The following ZNF860 variants were observed in gnomAD, a reference collection of about 807,000 sequenced individuals.
ZNF860 encodes zinc finger protein 860.
For synonymous variants in ZNF860, 206 were observed against 248.9 expected (o/e 0.83, Z 1.62); for missense variants, 641 against 759.2 (o/e 0.84, Z 1.83).
chr3:32,001,375 A>T, the ZNF860 span, among the ~76,000 whole-genome samples: 1 of 152,206 alleles, frequency 6.6e-6, no homozygotes, highest in Admixed American at 6.5e-5. Flanking sequence ...TCAATAAAAT[A>T]ATAATCATAG....
Position 31,989,077 on chromosome 3 carries a change from CT to C in ZNF860, c.-2del. 2 of 1,614,062 alleles carry C rather than the reference CT, an allele frequency of 1.2e-6. No individual in the cohort carries two copies. The highest frequency in any genetic ancestry group is 1.7e-6 in the Non-Finnish European group (2 of 1,179,980). On this transcript the variant is annotated 5_prime_UTR_variant, in exon 2 of 2. Transcript: ENST00000360311. ...CTGCAGCACTATTGATTTCTAAAGA[CT>C]CATGTTACGTGAGGAAGCAGCTCAG...
the ZNF860 span, among the ~76,000 whole-genome samples, chr3:31,999,201 A>G: frequency 6.6e-6 from 1 of 152,294 alleles, no homozygotes; most frequent in Non-Finnish European, 1.5e-5. Context: ...CAGGTGTGGC[A>G]TGTAGCAAAG....
downstream of ZNF860, among the ~76,000 whole-genome samples, chr3:31,994,860 A>G (rs1464011517): frequency 6.6e-6 from 1 of 152,130 alleles, no homozygotes; most frequent in Admixed American, 6.5e-5. Flanking sequence ...TATTTTCCCT[A>G]AGTGTCGGCT....
rs192662665 is a variant in ZNF860, at chr3:31,988,026, A to G, written c.-420-634A>G. 7.9e-5 allele frequency among the ~76,000 whole-genome samples: 12 copies of G among 152,340 alleles called. No homozygotes were observed. The East Asian group carries it at 1.9e-3, about 24-fold the overall frequency. On this transcript the variant is annotated intron_variant, in intron 1 of 1. Coordinates refer to ENST00000360311, the MANE Select transcript of ZNF860 (RefSeq NM_001137674.3). ...TTCAGACAGGGAAGCCAAGAACCCC[A>G]GAGAAGTATTCCCAGGCCTTGAGAC...
At chr3:31,994,803 C>A (rs576515351), downstream of ZNF860, among the ~76,000 whole-genome samples, 3 of 152,270 alleles carry the variant, frequency 2.0e-5, no homozygotes, top group South Asian at 6.2e-4. Flanking sequence ...AACAAATACC[C>A]CAGTATCAGG....
downstream of ZNF860, among the ~76,000 whole-genome samples, chr3:31,993,137 AC>A (rs1352445411): frequency 1.3e-5 from 2 of 151,616 alleles, no homozygotes; most frequent in African/African-American, 2.4e-5. Flanking sequence ...TATTCAAAGA[AC>A]CCTCAAAATG....
the ZNF860 span, among the ~76,000 whole-genome samples, chr3:32,003,377 A>G: frequency 6.6e-6 from 1 of 152,208 alleles, no homozygotes; most frequent in African/African-American, 2.4e-5. Flanking sequence ...GAGGTTTCCT[A>G]AGGCACCTGG....
chr3:31,990,857 A>G lies in ZNF860; in HGVS notation c.1778A>G (p.His593Arg). The change falls in exon 2 of 2, where the codon CAT (histidine) becomes CGT (arginine). Residue 593 changes from histidine (H) to arginine (R), a missense_variant. By Grantham distance (29) the His-to-Arg change is conservative. Coordinates refer to ENST00000360311, the MANE Select transcript of ZNF860 (RefSeq NM_001137674.3). ...AGGAGAATTCATATGGGAGAGAAAC[A>G]TCACAAGTGTGATGATTGTGGCAAA... is the stretch of plus-strand genomic sequence containing the variant. ...KQRRIHMGEK[H>R]HKCDDCGKAF... 6.3e-7 allele frequency: 1 copy of G among 1,581,292 alleles called. No homozygotes were observed. The highest frequency in any genetic ancestry group is 8.6e-7 in the Non-Finnish European group (1 of 1,162,434).
the ZNF860 span, among the ~76,000 whole-genome samples, chr3:32,006,405 A>G: frequency 6.6e-6 from 1 of 152,164 alleles, no homozygotes; most frequent in African/African-American, 2.4e-5. Context: ...GCCAGTTGTC[A>G]TCTTTGTCTA....
At chr3:31,997,357 T>A in the ZNF860 span, among the ~76,000 whole-genome samples, 161 of 151,712 alleles carry the variant, frequency 1.1e-3, 7 homozygotes, top group Non-Finnish European at 3.4e-4. Context: ...CTCCGCCTCC[T>A]GGGTTCAAGG....
At position 31,991,316 on chromosome 3, in the gene ZNF860, G is replaced by A; in HGVS notation, c.*338G>A. ...TTTGTTTCTGATAGGGATTTTTATG[G>A]GTATTGTGTTGAATCTAAATCACAT... is the stretch of plus-strand genomic sequence containing the variant. On this transcript the variant is annotated 3_prime_UTR_variant, in exon 2 of 2. Transcript: ENST00000360311. 1 of 243,980 alleles carries A rather than the reference G, an allele frequency of 4.1e-6. No homozygotes were observed. Among genetic ancestry groups the A allele is most frequent in the Non-Finnish European group, 8.5e-6 (1 of 117,518 alleles). 15.1% of individuals were successfully genotyped at this position (243,980 alleles called of 1,614,324 possible).
chr3:32,002,344 T>C, the ZNF860 span, among the ~76,000 whole-genome samples: 2,854 of 152,194 alleles, frequency 0.019, 28 homozygotes, highest in Middle Eastern at 0.048. Context: ...AGGAGAACCA[T>C]AGGGTATCTC....
the ZNF860 span, among the ~76,000 whole-genome samples, chr3:32,001,178 G>T: frequency 1.3e-5 from 2 of 152,268 alleles, no homozygotes; most frequent in African/African-American, 4.8e-5. Flanking sequence ...TTTCAGGTGG[G>T]GTTCTGTGCT....
chr3:32,003,224 C>T, the ZNF860 span, among the ~76,000 whole-genome samples: 2 of 152,220 alleles, frequency 1.3e-5, no homozygotes, highest in Non-Finnish European at 2.9e-5. Flanking sequence ...ACCAAACTCT[C>T]CTCTGGCTAA....
In ZNF860 at chr3:31,990,107, A is replaced by T; in HGVS notation, c.1028A>T (p.Lys343Ile). ...ATTCATACTGGAGAGAAACCATACA[A>T]ATGTAAGGTTTGTGAAAAGGCTTTC... The part of the protein sequence containing the change: ...RRIHTGEKPY[K>I]CKVCEKAFRR... Residue 343 changes from lysine (K) to isoleucine (I), a missense_variant, in exon 2 of 2, where the codon AAA becomes ATA. Physicochemically the swap from Lys to Ile is moderately radical, Grantham distance 102. Coordinates refer to ENST00000360311, the MANE Select transcript of ZNF860 (RefSeq NM_001137674.3). 6.2e-7 allele frequency: 1 copy of T among 1,611,684 alleles called. No individual in the cohort carries two copies. The highest frequency in any genetic ancestry group is 8.5e-7 in the Non-Finnish European group (1 of 1,178,576).
At chr3:32,001,415 G>A in the ZNF860 span, among the ~76,000 whole-genome samples, 1 of 152,224 alleles carries the variant, frequency 6.6e-6, no homozygotes, top group African/African-American at 2.4e-5. Flanking sequence ...GGTACAATAA[G>A]CATTTTACAT....
the ZNF860 span, among the ~76,000 whole-genome samples, chr3:32,003,432 C>T: frequency 6.6e-6 from 1 of 152,194 alleles, no homozygotes; most frequent in Non-Finnish European, 1.5e-5. Context: ...CATTTGTAGA[C>T]TTGCCCTGAA....
At chr3:31,999,507 T>G in the ZNF860 span, among the ~76,000 whole-genome samples, 2 of 151,822 alleles carry the variant, frequency 1.3e-5, no homozygotes, top group Non-Finnish European at 2.9e-5. Flanking sequence ...ATTACAGGCA[T>G]GCACAACCAC....
intron 1 of ZNF860, among the ~76,000 whole-genome samples, chr3:31,987,224 A>AAG (rs1698947238): frequency 6.6e-6 from 1 of 152,184 alleles, no homozygotes; most frequent in Non-Finnish European, 1.5e-5. Flanking sequence ...ATACTATAAA[A>AAG]CATATAATAC....
Sources: gnomAD v4.1 joint callset for allele counts (sites outside exome capture counted in the v4.1 genomes callset) on GRCh38, gnomAD v4.1.1 for gene constraint, MANE v1.5 for transcripts, NCBI Gene and HGNC (gene_info 2026-07-23, HGNC 2026-07-21) for gene names.